EYS: variants seen among roughly 807,000 people sequenced by gnomAD.
The protein encoded by EYS is EGF-like photoreceptor maintenance factor, also known as protein eyes shut homolog.
EYS carries 250 observed loss-of-function variants against 282.1 expected under a neutral mutation model. That is an observed-to-expected ratio of 0.89 (90% confidence interval 0.80 to 0.98). The LOEUF (loss-of-function observed/expected upper bound fraction) is 0.98. Among genes scored for constraint, EYS ranks in the 50% least tolerant of loss-of-function variants. The probability of loss-of-function intolerance (pLI) is 0.00; values close to 1 mark genes in which losing one functional copy is unlikely to be tolerated. For missense variants in EYS, 4,016 were observed against 3,709.0 expected, an observed-to-expected ratio of 1.08 and a Z score of -2.15; for synonymous variants, 1,355 against 1,282.9, an observed-to-expected ratio of 1.06 and a Z score of -1.20.
At chr6:64,858,676 A>G (rs1430810077) in intron 19 of EYS, among the ~76,000 whole-genome samples, 1 of 152,130 alleles carries the variant, frequency 6.6e-6, no homozygotes, top group Admixed American at 6.6e-5. Flanking sequence ...AGTATGGTTC[A>G]ATGTACACAA....
chr6:63,806,483 T>A, intron 36 of EYS, 111 bp from the exon 37 acceptor site: 1 of 910,170 alleles, frequency 1.1e-6, no homozygotes, highest in Non-Finnish European at 1.6e-6. Flanking sequence ...ACTATTACAT[T>A]AATTATACTT....
At chr6:64,274,535 C>A (rs1395254861) in intron 30 of EYS, among the ~76,000 whole-genome samples, 2 of 133,884 alleles carry the variant, frequency 1.5e-5, no homozygotes, top group South Asian at 2.5e-4. Flanking sequence ...TAGTGACCTT[C>A]GAATTTGCCA....
chr6:65,009,599 C>T (rs1771800571), intron 13 of EYS, among the ~76,000 whole-genome samples: 1 of 152,136 alleles, frequency 6.6e-6, no homozygotes, highest in Admixed American at 6.5e-5. Flanking sequence ...CAGAGATAGC[C>T]CCCATCTATT....
chr6:64,213,239 A>C (rs908675125), intron 31 of EYS, among the ~76,000 whole-genome samples: 3 of 152,022 alleles, frequency 2.0e-5, no homozygotes, highest in African/African-American at 7.2e-5. Flanking sequence ...AAAAATTTCA[A>C]CATAAGTTTT....
intron 12 of EYS, among the ~76,000 whole-genome samples, chr6:65,170,666 A>G (rs1041676218): frequency 6.6e-5 from 10 of 151,482 alleles, no homozygotes; most frequent in Non-Finnish European, 1.5e-4. Context: ...TCTTATTTAA[A>G]TATTATTAAA....
chr6:64,944,849 A>C (rs1333818835), intron 15 of EYS, among the ~76,000 whole-genome samples: 1 of 151,824 alleles, frequency 6.6e-6, no homozygotes, highest in Admixed American at 6.6e-5. Context: ...GTTATTCTTT[A>C]CTCCACTGAC....
intron 26 of EYS, among the ~76,000 whole-genome samples, chr6:64,449,538 C>T (rs973808235): frequency 2.6e-5 from 4 of 152,004 alleles, no homozygotes; most frequent in African/African-American, 7.2e-5. Flanking sequence ...AAGAGCAACT[C>T]CAAGACACAT....
At chr6:64,301,635 G>C (rs1031054181) in intron 30 of EYS, among the ~76,000 whole-genome samples, 4 of 152,154 alleles carry the variant, frequency 2.6e-5, no homozygotes, top group Admixed American at 2.0e-4. Flanking sequence ...AAAGCAATTT[G>C]AAGCAGTATT....
At chr6:63,790,975 T>G (rs1770495131) in intron 37 of EYS, among the ~76,000 whole-genome samples, 2 of 152,178 alleles carry the variant, frequency 1.3e-5, no homozygotes, top group Admixed American at 6.5e-5. Context: ...ACCCATTTCA[T>G]GCCAGGAGCA....
At chr6:64,635,358 T>A (rs1767937218) in intron 22 of EYS, among the ~76,000 whole-genome samples, 1 of 152,288 alleles carries the variant, frequency 6.6e-6, no homozygotes. Context: ...TCCAACACTA[T>A]GTTGAATAGG....
At chr6:65,279,404 C>T (rs1029615793) in intron 12 of EYS, among the ~76,000 whole-genome samples, 2 of 152,136 alleles carry the variant, frequency 1.3e-5, no homozygotes, top group African/African-American at 4.8e-5. Flanking sequence ...ATATCATCTT[C>T]TCCTATTGCC....
intron 29 of EYS, among the ~76,000 whole-genome samples, chr6:64,318,176 T>TA (rs977115764): frequency 5.9e-4 from 90 of 152,034 alleles, no homozygotes; most frequent in Middle Eastern, 3.4e-3. Context: ...TAGATCATAA[T>TA]AAAAAAACAC....
At chr6:64,650,884 C>T (rs1411729707) in intron 22 of EYS, among the ~76,000 whole-genome samples, 2 of 151,730 alleles carry the variant, frequency 1.3e-5, no homozygotes, top group South Asian at 2.1e-4. Context: ...ATGAAGAAAT[C>T]ACAAAAATAC....
intron 34 of EYS, among the ~76,000 whole-genome samples, chr6:63,992,199 T>C (rs1767635586): frequency 6.6e-6 from 1 of 151,880 alleles, no homozygotes; most frequent in African/African-American, 2.4e-5. Context: ...TATAGAATAC[T>C]GTAATACTGT....
intron 26 of EYS, among the ~76,000 whole-genome samples, chr6:64,492,364 T>C (rs1776765225): frequency 6.6e-6 from 1 of 151,262 alleles, no homozygotes; most frequent in Non-Finnish European, 1.5e-5. Flanking sequence ...TAAGAACGTG[T>C]TGTATGTCTA....
intron 2 of EYS, among the ~76,000 whole-genome samples, chr6:65,617,333 C>A (rs984486123): frequency 1.3e-5 from 2 of 151,982 alleles, no homozygotes; most frequent in African/African-American, 4.8e-5. Context: ...TAGTGACAGT[C>A]AGAATGCAAA....
chr6:65,693,896 C>T (rs1234117721), intron 1 of EYS, among the ~76,000 whole-genome samples: 3 of 149,978 alleles, frequency 2.0e-5, no homozygotes, highest in Non-Finnish European at 3.0e-5. Context: ...TATGGGTTGT[C>T]CTAGACCTTT....
chr6:64,510,317 C>G (rs1777344314), intron 26 of EYS, among the ~76,000 whole-genome samples: 1 of 151,712 alleles, frequency 6.6e-6, no homozygotes, highest in African/African-American at 2.4e-5. Context: ...AAATTATTAG[C>G]AAAAATGTTG....
chr6:64,698,219 C>G (rs1167465019), intron 22 of EYS, among the ~76,000 whole-genome samples: 2 of 151,876 alleles, frequency 1.3e-5, no homozygotes, highest in Non-Finnish European at 2.9e-5. Context: ...GCATTAAATA[C>G]CTACATGAAA....
Sources: allele counts gnomAD v4.1 joint callset (sites outside exome capture counted in the v4.1 genomes callset), GRCh38; gene constraint gnomAD v4.1.1; transcripts MANE v1.5; gene names NCBI Gene and HGNC (gene_info 2026-07-23, HGNC 2026-07-21).